BABAM2: variants seen among roughly 807,000 people sequenced by gnomAD.
BABAM2 encodes BRISC and BRCA1 A complex member 2, also known as BRISC and BRCA1-A complex member 2.
A neutral mutation model predicts 54.7 loss-of-function variants in BABAM2; 31 were observed. The observed-to-expected ratio is 0.57, with a 90% CI of 0.43 to 0.77. The LOEUF is 0.77. Ranked by LOEUF, BABAM2 falls within the 30% of genes least tolerant of loss-of-function variation. BABAM2 has a pLI of 0.00. For missense variants in BABAM2, 364 were observed against 455.8 expected (o/e 0.80, Z 1.83); for synonymous variants, 167 against 162.9 (o/e 1.03, Z -0.19).
At chr2:27,911,548 G>A (rs748878621) in intron 2 of BABAM2, among the ~76,000 whole-genome samples, 4 of 152,058 alleles carry the variant, frequency 2.6e-5, no homozygotes, top group Admixed American at 1.3e-4. Flanking sequence ...ATGGAGGCAA[G>A]CGTGCAGCTG....
At chr2:27,925,782 C>T (rs780627791) in intron 2 of BABAM2, among the ~76,000 whole-genome samples, 2 of 152,202 alleles carry the variant, frequency 1.3e-5, no homozygotes, top group African/African-American at 4.8e-5. Flanking sequence ...TGACCCTGTT[C>T]GTTCCTTTCC....
intron 2 of BABAM2, among the ~76,000 whole-genome samples, chr2:27,902,893 A>C (rs1317359225): frequency 7.0e-6 from 1 of 142,980 alleles, no homozygotes; most frequent in Non-Finnish European, 1.5e-5. Flanking sequence ...GCCTGTGTGC[A>C]CGTGTGTGTG....
chr2:28,180,837 T>C (rs961963713), intron 7 of BABAM2, among the ~76,000 whole-genome samples: 5 of 152,058 alleles, frequency 3.3e-5, no homozygotes, highest in African/African-American at 1.2e-4. Flanking sequence ...GATACGCAAA[T>C]TGTCAACAGG....
intron 4 of BABAM2, among the ~76,000 whole-genome samples, chr2:28,011,414 G>A (rs999752567): frequency 3.9e-5 from 6 of 152,018 alleles, no homozygotes; most frequent in African/African-American, 1.4e-4. Flanking sequence ...GGGTAGTCTC[G>A]TTTTCATTCA....
chr2:28,150,327 C>T (rs1366633906), intron 7 of BABAM2, among the ~76,000 whole-genome samples: 1 of 152,188 alleles, frequency 6.6e-6, no homozygotes, highest in Non-Finnish European at 1.5e-5. Flanking sequence ...ACATGGCTTC[C>T]TCTTGCCCTT....
chr2:28,028,739 C>T (rs181452525), intron 5 of BABAM2, among the ~76,000 whole-genome samples: 4 of 152,114 alleles, frequency 2.6e-5, no homozygotes, highest in Admixed American at 1.3e-4. Flanking sequence ...AATAACACTC[C>T]GGCTTTTATT....
chr2:28,171,439 C>T lies in BABAM2; in HGVS notation c.680+42059C>T, dbSNP rs146592536. Among the ~76,000 whole-genome samples the T allele has an allele frequency of 6.7e-4, 102 of 152,302 alleles. 1 individual carries two copies. Among genetic ancestry groups the T allele is most frequent in the African/African-American group, 2.2e-3 (92 of 41,576 alleles). ...CACTACTGGAGGTGGTCAACCACTG[C>T]GTGCATTTACAAGGTTGCTATGAAG... On this transcript the variant is annotated intron_variant, in intron 7 of 11. Coordinates refer to ENST00000379624, the MANE Select transcript of BABAM2 (RefSeq NM_199191.3).
intron 6 of BABAM2, 76 bp downstream of exon 6, chr2:28,045,875 C>T (rs115640879): frequency 0.054 from 60,952 of 1,138,488 alleles, 1,999 homozygotes; most frequent in Middle Eastern, 0.092. Context: ...ATTTGTATGA[C>T]TGGTTTGTCA....
chr2:28,198,446 G>A (rs550474856), intron 7 of BABAM2, among the ~76,000 whole-genome samples: 7 of 152,054 alleles, frequency 4.6e-5, no homozygotes, highest in East Asian at 1.9e-4. Context: ...GATTACAGGC[G>A]TGAGCCACCG....
intron 11 of BABAM2, among the ~76,000 whole-genome samples, chr2:28,320,623 C>G (rs1013117639): frequency 3.3e-5 from 5 of 152,230 alleles, no homozygotes; most frequent in African/African-American, 1.2e-4. Context: ...CCTGCCGTGG[C>G]CAGGCATAGG....
At chr2:28,102,640 C>T (rs923545715) in intron 6 of BABAM2, among the ~76,000 whole-genome samples, 1 of 152,178 alleles carries the variant, frequency 6.6e-6, no homozygotes, top group Non-Finnish European at 1.5e-5. Flanking sequence ...TCCCAGTTTT[C>T]AGTTACAGTA....
intron 5 of BABAM2, among the ~76,000 whole-genome samples, chr2:28,026,875 T>TA (rs1558667344): frequency 2.1e-5 from 1 of 47,184 alleles, no homozygotes; most frequent in African/African-American, 9.9e-5. Context: ...TATATATATT[T>TA]ATATATATAT....
chr2:27,924,867 T>C (rs1667575114), intron 2 of BABAM2, among the ~76,000 whole-genome samples: 1 of 152,228 alleles, frequency 6.6e-6, no homozygotes, highest in East Asian at 1.9e-4. Context: ...TATACACCTA[T>C]TTATCCTAGA....
At chr2:28,271,870 C>T (rs960776074) in intron 10 of BABAM2, among the ~76,000 whole-genome samples, 4 of 152,204 alleles carry the variant, frequency 2.6e-5, no homozygotes, top group East Asian at 1.9e-4. Flanking sequence ...TTATACCAAT[C>T]AGTAATGTTT....
intron 6 of BABAM2, among the ~76,000 whole-genome samples, chr2:28,096,654 CAT>C (rs1462104749): frequency 1.3e-5 from 2 of 152,222 alleles, no homozygotes; most frequent in African/African-American, 4.8e-5. Context: ...GTTAACATGT[CAT>C]AGTTTTGTCA....
At chr2:28,246,628 A>G (rs1402436651) in intron 10 of BABAM2, among the ~76,000 whole-genome samples, 1 of 152,168 alleles carries the variant, frequency 6.6e-6, no homozygotes, top group Admixed American at 6.5e-5. Context: ...CTTCATCTCC[A>G]AGTGACATAA....
rs77986592 is a variant in BABAM2, at chr2:28,028,540, T to C, written c.495+3120T>C. Among the ~76,000 whole-genome samples, 488 of 152,280 alleles carry C rather than the reference T, an allele frequency of 3.2e-3. 1 individual carries two copies. Among genetic ancestry groups the C allele is most frequent in the African/African-American group, 0.011 (470 of 41,568 alleles). The stretch of plus-strand genomic sequence containing the variant: ...GTCTTCATTGGAATGTAAAATCTCA[T>C]GAGGGCAGGGATCTTTGTTTTGTTC... On this transcript the variant is annotated intron_variant, in intron 5 of 11. Coordinates refer to ENST00000379624, the MANE Select transcript of BABAM2 (RefSeq NM_199191.3).
At chr2:28,026,841 T>TTTATATATATAG (rs1464853005) in intron 5 of BABAM2, among the ~76,000 whole-genome samples, 2 of 43,260 alleles carry the variant, frequency 4.6e-5, no homozygotes, top group African/African-American at 7.2e-5. Context: ...TAAATATATA[T>TTTATATATATAG]AAATATATAT....
intron 7 of BABAM2, among the ~76,000 whole-genome samples, chr2:28,224,421 T>C (rs1037171484): frequency 6.6e-6 from 1 of 152,238 alleles, no homozygotes; most frequent in African/African-American, 2.4e-5. Context: ...ATGAGTGTCA[T>C]AGAGCCAGAC....
Sources: allele counts gnomAD v4.1 joint callset (sites outside exome capture counted in the v4.1 genomes callset), GRCh38; gene constraint gnomAD v4.1.1; transcripts MANE v1.5; gene names NCBI Gene and HGNC (gene_info 2026-07-23, HGNC 2026-07-21).